Variants in PNLIP observed in about 807,000 individuals in gnomAD.
PNLIP encodes pancreatic lipase, also known as pancreatic triacylglycerol lipase.
Under a neutral mutation model 57.1 loss-of-function variants are expected in PNLIP, and 49 were observed. The ratio of observed to expected loss-of-function variants is 0.86; its 90% CI spans 0.68 to 1.09. The LOEUF (loss-of-function observed/expected upper bound fraction) is 1.09. Among genes scored for constraint, PNLIP ranks in the 50% least tolerant of loss-of-function variants. PNLIP has a pLI of 0.00. For missense variants in PNLIP, 503 were observed against 570.2 expected (o/e 0.88, Z 1.20); for synonymous variants, 209 against 200.4 (o/e 1.04, Z -0.36).
intron 5 of PNLIP, among the ~76,000 whole-genome samples, chr10:116,553,300 T>C (rs1281425723): frequency 6.6e-6 from 1 of 152,210 alleles, no homozygotes; most frequent in African/African-American, 2.4e-5. Context: ...AGACGGGGTT[T>C]CACCATATTG....
Position 116,561,519 on chromosome 10 carries a change from A to C in PNLIP, c.1217A>C (p.Asp406Ala), listed in dbSNP as rs369523204. ...ACTCATTCCAATGAATTTGACTCAG[A>C]TGTGGATGTTGGGGACTTGCAGATG... is the stretch of plus-strand genomic sequence containing the variant. The part of the protein sequence containing the change: ...DSTHSNEFDS[D>A]VDVGDLQMVK... The change falls in exon 12 of 13, where the codon GAT becomes GCT. Residue 406 changes from aspartate (D) to alanine (A), a missense_variant. By Grantham distance (126) the Asp-to-Ala change is moderately radical (BLOSUM62 -2). Coordinates refer to ENST00000369221, the MANE Select transcript of PNLIP (RefSeq NM_000936.4). 4.3e-6 allele frequency: 7 copies of C among 1,613,850 alleles called. No individual in the cohort carries two copies. Among genetic ancestry groups the C allele is most frequent in the African/African-American group, 1.3e-5 (1 of 74,934 alleles).
At position 116,555,441 on chromosome 10, in the gene PNLIP, G is replaced by A. The variant is rs963284638; in HGVS notation, c.745G>A (p.Val249Met). ...GHLDFFPNGG[V>M]EMPGCKKNIL... ...CCTAGATTTCTTTCCAAATGGAGGAGTGGAAATGCCTGGATGTAAAAAGAA... is the reference window on the plus strand; with the variant it reads ...CCTAGATTTCTTTCCAAATGGAGGAATGGAAATGCCTGGATGTAAAAAGAA... Residue 249 changes from valine (V) to methionine (M), a missense_variant, in exon 8 of 13, where the codon GTG (valine) becomes ATG (methionine). Val to Met is a conservative substitution (Grantham distance 21). Transcript: ENST00000369221. The A allele has an allele frequency of 6.2e-7, 1 of 1,614,122 alleles. No individual in the cohort carries two copies. Among genetic ancestry groups the A allele is most frequent in the East Asian group, 2.2e-5 (1 of 44,886 alleles).
At chr10:116,550,381 A>G (rs1056467023) in intron 4 of PNLIP, among the ~76,000 whole-genome samples, 5 of 152,050 alleles carry the variant, frequency 3.3e-5, no homozygotes, top group African/African-American at 1.2e-4. Context: ...TTTTGAAAAA[A>G]AAAAAAGAAG....
intron 12 of PNLIP, among the ~76,000 whole-genome samples, chr10:116,565,111 G>A (rs545241446): frequency 2.6e-5 from 4 of 151,808 alleles, no homozygotes; most frequent in Admixed American, 2.0e-4. Flanking sequence ...CGACGCAGGC[G>A]TGGTGGTGGG....
intron 4 of PNLIP, among the ~76,000 whole-genome samples, chr10:116,549,040 A>G (rs1192574511): frequency 3.9e-5 from 6 of 152,228 alleles, no homozygotes; most frequent in Admixed American, 3.9e-4. Context: ...AGAAAATCAA[A>G]TAGAATAAAT....
rs572861420 is a variant in PNLIP, at chr10:116,553,158, C to T, written c.460-569C>T. The stretch of plus-strand genomic sequence containing the variant: ...TCTTGCTCTGTCGCCCAGGCTAGAG[C>T]GCAATGGCGCGATCTCGGCTCACTG... On this transcript the variant is annotated intron_variant, in intron 5 of 12. Transcript: ENST00000369221. 5.8e-4 allele frequency among the ~76,000 whole-genome samples: 88 copies of T among 152,228 alleles called. 1 individual carries two copies. Among genetic ancestry groups the T allele is most frequent in the African/African-American group, 2.0e-3 (82 of 41,570 alleles).
At chr10:116,548,614 G>C in intron 4 of PNLIP, 132 bp downstream of exon 4, 1 of 995,278 alleles carries the variant, frequency 1.0e-6, no homozygotes. Context: ...GCTGGGCCTG[G>C]AGTTCCTAGG....
intron 11 of PNLIP, among the ~76,000 whole-genome samples, chr10:116,560,826 C>T (rs934772067): frequency 2.6e-5 from 4 of 152,078 alleles, no homozygotes; most frequent in African/African-American, 9.7e-5. Flanking sequence ...GACCTACCCA[C>T]CTAGGCCTCC....
chr10:116,551,228 T>C lies in PNLIP; in HGVS notation c.455T>C (p.Leu152Pro). 1 of 1,608,248 alleles carries C rather than the reference T, an allele frequency of 6.2e-7. No homozygotes were observed. The highest frequency in any genetic ancestry group is 1.3e-5 in the African/African-American group (1 of 74,556). The change falls in exon 5 of 13, where the codon CTT (leucine) becomes CCT (proline). Residue 152 changes from leucine (L) to proline (P), a missense_variant. Physicochemically the swap from Leu to Pro is moderately conservative, Grantham distance 98. Transcript: ENST00000369221. ...GAEVAYFVEF[L>P]QSAFGYSPSN... is the part of the protein sequence containing the mutation. ...GAAGTGGCATATTTTGTTGAATTTC[T>C]TCAGGTAATTACTCCCGGATTGCAT...
Position 116,561,476 on chromosome 10 carries a change from A to T in PNLIP, c.1174A>T (p.Thr392Ser), listed in dbSNP as rs139292695. Residue 392 changes from threonine to serine, a missense_variant, in exon 12 of 13, where the codon ACT becomes TCT. By Grantham distance (58) the Thr-to-Ser change is moderately conservative (BLOSUM62 1). Transcript: ENST00000369221. The stretch of plus-strand genomic sequence containing the variant: ...GTTAACTTCTTAAATCCTTAGGGGC[A>T]CTCTCAAACCAGATAGTACTCATTC... ...NSKQYEIFKG[T>S]LKPDSTHSNE... 31 of 1,610,592 alleles carry T rather than the reference A, an allele frequency of 1.9e-5. 1 individual carries two copies. The African/African-American group carries it at 3.2e-4, about 17-fold the overall frequency.
chr10:116,548,323 T>C lies in PNLIP; in HGVS notation c.202-37T>C, dbSNP rs751297225. The C allele has an allele frequency of 2.0e-5, 32 of 1,609,244 alleles. No individual in the cohort carries two copies. The Admixed American group carries it at 2.0e-4, about 10-fold the overall frequency. ...GTACAAATGGTTCTATTGGCTACTA[T>C]AGGAAACTGACATGAAACACTTTTC... On this transcript the variant is annotated intron_variant, in intron 3 of 12. Coordinates refer to ENST00000369221, the MANE Select transcript of PNLIP (RefSeq NM_000936.4).
chr10:116,548,112 A>G (rs1035962404), intron 3 of PNLIP, among the ~76,000 whole-genome samples: 2 of 152,076 alleles, frequency 1.3e-5, no homozygotes, highest in African/African-American at 4.8e-5. Context: ...CATTGTATGA[A>G]GAAAAGATCA....
In PNLIP at chr10:116,551,101, C is replaced by A; in HGVS notation, c.328C>A (p.Leu110Met). 6.3e-7 allele frequency: 1 copy of A among 1,582,754 alleles called. No individual in the cohort carries two copies. The highest frequency in any genetic ancestry group is 1.2e-5 in the South Asian group (1 of 85,356). Residue 110 changes from leucine (L) to methionine (M), a missense_variant, in exon 5 of 13, where the codon CTG becomes ATG. Physicochemically the swap from Leu to Met is conservative, Grantham distance 15. Coordinates refer to ENST00000369221, the MANE Select transcript of PNLIP (RefSeq NM_000936.4). Reference sequence around the variant, plus strand: ...TTTATTGTGCCCCTTCCACCAGAATCTGTTCAAGGTGGAAAGTGTGAACTG... The same window carrying A: ...TTTATTGTGCCCCTTCCACCAGAATATGTTCAAGGTGGAAAGTGTGAACTG... ...ENWLANVCKN[L>M]FKVESVNCIC...
At chr10:116,560,928 A>G (rs1038307419) in intron 11 of PNLIP, among the ~76,000 whole-genome samples, 15 of 152,190 alleles carry the variant, frequency 9.9e-5, no homozygotes, top group African/African-American at 3.6e-4. Context: ...TGTCATCGAC[A>G]TAAGAGTTTG....
At chr10:116,566,429 T>C (rs1471408351) in intron 12 of PNLIP, among the ~76,000 whole-genome samples, 1 of 152,046 alleles carries the variant, frequency 6.6e-6, no homozygotes, top group Non-Finnish European at 1.5e-5. Flanking sequence ...GAAGAAGCAA[T>C]TACAAAGAGG....
intron 4 of PNLIP, among the ~76,000 whole-genome samples, chr10:116,550,801 G>T (rs576351950): frequency 1.3e-5 from 2 of 152,250 alleles, no homozygotes; most frequent in Non-Finnish European, 2.9e-5. Context: ...ACAACACATT[G>T]TACCACATTT....
At position 116,560,489 on chromosome 10, in the gene PNLIP, A is replaced by G; in HGVS notation, c.1134A>G (p.Gly378=). The change falls in exon 11 of 13, where the codon GGA becomes GGG. Residue 378 remains glycine (G), a synonymous_variant. Coordinates refer to ENST00000369221, the MANE Select transcript of PNLIP (RefSeq NM_000936.4). The part of the protein sequence containing the change: ...VTGHILVSLF[G]NKGNSKQYEI... The stretch of plus-strand genomic sequence containing the variant: ...GACACATACTAGTTTCTTTGTTCGG[A>G]AATAAAGGAAACTCTAAGCAGTATG... 1.3e-6 allele frequency: 2 copies of G among 1,599,220 alleles called. No individual in the cohort carries two copies. The highest frequency in any genetic ancestry group is 1.7e-6 in the Non-Finnish European group (2 of 1,167,636).
At chr10:116,548,167 TG>T (rs1161064966) in intron 3 of PNLIP, among the ~76,000 whole-genome samples, 192 bp from the exon 4 acceptor site, 1 of 151,804 alleles carries the variant, frequency 6.6e-6, no homozygotes, top group Non-Finnish European at 1.5e-5. Context: ...AGTTGAACAA[TG>T]GCAAACATGT....
At position 116,547,650 on chromosome 10, in the gene PNLIP, C is replaced by T. The variant is rs192464172; in HGVS notation, c.201+202C>T. ...CTGAAGCAGGAGGATGGCGTGAACC[C>T]GGGAGGCAGAGCTTGCAGTAAGCCG... On this transcript the variant is annotated intron_variant, in intron 3 of 12. Transcript: ENST00000369221. Among the ~76,000 whole-genome samples, 57 of 147,770 alleles carry T rather than the reference C, an allele frequency of 3.9e-4. No homozygotes were observed. In the East Asian group the frequency reaches 7.9e-3, roughly 21 times the overall value.
Sources: allele counts gnomAD v4.1 joint callset (sites outside exome capture counted in the v4.1 genomes callset), GRCh38; gene constraint gnomAD v4.1.1; transcripts MANE v1.5; gene names NCBI Gene and HGNC (gene_info 2026-07-23, HGNC 2026-07-21).